The following ASIC2 variants were observed in gnomAD, a reference collection of about 807,000 sequenced individuals.
ASIC2 encodes acid sensing ion channel subunit 2.
Under a neutral mutation model 57.3 loss-of-function variants are expected in ASIC2, and 25 were observed. The observed-to-expected ratio is 0.44, with a 90% CI of 0.32 to 0.61. ASIC2 has a LOEUF of 0.61. Ranked by LOEUF, ASIC2 falls within the 20% of genes least tolerant of loss-of-function variation. The pLI, the probability that ASIC2 is intolerant of heterozygous loss-of-function variation, is 0.06. For missense variants in ASIC2, 641 were observed against 738.1 expected, an observed-to-expected ratio of 0.87 and a Z score of 1.52; for synonymous variants, 319 against 307.5, an observed-to-expected ratio of 1.04 and a Z score of -0.39.
intron 1 of ASIC2, among the ~76,000 whole-genome samples, chr17:33,197,246 C>A (rs889084194): frequency 2.6e-5 from 4 of 152,326 alleles, no homozygotes; most frequent in African/African-American, 4.8e-5. Context: ...TGTTGAGCAG[C>A]AAGATAGCTT....
chr17:33,351,810 C>T (rs554825489), intron 1 of ASIC2, among the ~76,000 whole-genome samples: 6 of 152,260 alleles, frequency 3.9e-5, no homozygotes, highest in Non-Finnish European at 7.4e-5. Flanking sequence ...TTTATCCTTG[C>T]ACTCAGAACA....
intron 1 of ASIC2, among the ~76,000 whole-genome samples, chr17:33,460,632 G>A (rs919112448): frequency 1.3e-5 from 2 of 152,196 alleles, no homozygotes; most frequent in African/African-American, 4.8e-5. Flanking sequence ...AATGCTTTCT[G>A]TTTCAAAATG....
chr17:34,029,395 TA>T (rs1907504802), intron 1 of ASIC2, among the ~76,000 whole-genome samples: 1 of 120,966 alleles, frequency 8.3e-6, no homozygotes, highest in South Asian at 2.5e-4. Context: ...AAAAAAAAAA[TA>T]GTAAAATTTA....
intron 1 of ASIC2, among the ~76,000 whole-genome samples, chr17:33,190,612 C>T (rs529971626): frequency 6.6e-6 from 1 of 152,174 alleles, no homozygotes; most frequent in South Asian, 2.1e-4. Flanking sequence ...GACGGACTTA[C>T]ACTGTCTAAG....
intron 1 of ASIC2, among the ~76,000 whole-genome samples, chr17:33,942,801 G>A (rs1349236804): frequency 6.6e-6 from 1 of 152,290 alleles, no homozygotes; most frequent in East Asian, 1.9e-4. Flanking sequence ...ATGAAGGCCA[G>A]CTACCATCCC....
intron 1 of ASIC2, among the ~76,000 whole-genome samples, chr17:34,117,372 A>C (rs80021276): frequency 2.1e-3 from 321 of 152,364 alleles, no homozygotes; most frequent in African/African-American, 7.2e-3. Flanking sequence ...AGGAAACGGC[A>C]TATGGTTGGG....
chr17:33,301,210 T>G (rs1226057059), intron 1 of ASIC2, among the ~76,000 whole-genome samples: 2 of 151,542 alleles, frequency 1.3e-5, no homozygotes, highest in African/African-American at 4.9e-5. Flanking sequence ...TTTTTTTTTT[T>G]TGTATTTTTT....
At chr17:33,471,151 GTCCTTT>G (rs1913038460) in intron 1 of ASIC2, among the ~76,000 whole-genome samples, 1 of 152,120 alleles carries the variant, frequency 6.6e-6, no homozygotes. Context: ...GCTCACGTTT[GTCCTTT>G]ACGTGTTTTT....
chr17:33,226,618 G>A (rs1356314748), intron 1 of ASIC2, among the ~76,000 whole-genome samples: 1 of 152,116 alleles, frequency 6.6e-6, no homozygotes, highest in Non-Finnish European at 1.5e-5. Flanking sequence ...CCACTTATCT[G>A]TTTATGTGTT....
At chr17:33,550,104 GC>G (rs1915701221) in intron 1 of ASIC2, among the ~76,000 whole-genome samples, 2 of 147,454 alleles carry the variant, frequency 1.4e-5, no homozygotes, top group Admixed American at 1.4e-4. Context: ...GATAAATCAG[GC>G]CCTCCATGAG....
At position 33,013,666 on chromosome 17, in the gene ASIC2, A is replaced by G. The variant is rs984922245; in HGVS notation, c.*299T>C. 13 of 404,708 alleles carry G rather than the reference A, an allele frequency of 3.2e-5. No homozygotes were observed. Among genetic ancestry groups the G allele is most frequent in the African/African-American group, 2.0e-4 (10 of 50,196 alleles). The allele number at this position is 404,708 out of a possible 1,614,324, so 25.1% of individuals were successfully genotyped here. The stretch of plus-strand genomic sequence containing the variant: ...AGACAGACGTGGAGGTGGCGCCACA[A>G]GAAGTCTGAGCATGCAGGTGCTTTA... On this transcript the variant is annotated 3_prime_UTR_variant, in exon 10 of 10. Coordinates refer to ENST00000225823, the MANE Select transcript of ASIC2 (RefSeq NM_183377.2).
rs117925347 is a variant in ASIC2, at chr17:33,605,903, C to T, written c.556-493836G>A. Among the ~76,000 whole-genome samples, 1,414 of 152,302 alleles carry T rather than the reference C, an allele frequency of 9.3e-3. 10 individuals are homozygous for T. The highest frequency in any genetic ancestry group is 0.016 in the Non-Finnish European group (1,067 of 68,030). On this transcript the variant is annotated intron_variant, in intron 1 of 9. Transcript: ENST00000359872. ...TGCTCCCCCTGTCCCCACTGAGTCT[C>T]GGGCAAGCCTCTGAACTCACCAGCT...
intron 1 of ASIC2, among the ~76,000 whole-genome samples, chr17:33,921,774 G>A (rs1430791256): frequency 1.3e-5 from 2 of 152,146 alleles, no homozygotes; most frequent in African/African-American, 4.8e-5. Context: ...TGATGACCTG[G>A]CATACATCTC....
At chr17:33,110,467 G>C (rs762598651) in intron 2 of ASIC2, among the ~76,000 whole-genome samples, 4 of 152,232 alleles carry the variant, frequency 2.6e-5, no homozygotes, top group Non-Finnish European at 4.4e-5. Flanking sequence ...TCTCCTCAGA[G>C]AGTGGCTGAT....
At chr17:33,576,920 T>C (rs938893345) in intron 1 of ASIC2, among the ~76,000 whole-genome samples, 11 of 152,162 alleles carry the variant, frequency 7.2e-5, no homozygotes, top group Non-Finnish European at 1.2e-4. Flanking sequence ...ACCTACCTCA[T>C]AGAGTTGTTG....
chr17:33,447,415 T>G (rs1912067718), intron 1 of ASIC2, among the ~76,000 whole-genome samples: 1 of 152,186 alleles, frequency 6.6e-6, no homozygotes, highest in South Asian at 2.1e-4. Context: ...GTTGAAGTAC[T>G]GTCAGAAACA....
At chr17:34,001,591 C>G (rs1015208321) in intron 1 of ASIC2, 1 of 152,406 alleles carries the variant, frequency 6.6e-6, no homozygotes, top group Non-Finnish European at 1.5e-5. Flanking sequence ...GGCTTGTAGC[C>G]GGGCTGGGGC....
intron 1 of ASIC2, among the ~76,000 whole-genome samples, chr17:33,343,923 C>T (rs1025467026): frequency 1.1e-4 from 17 of 152,170 alleles, no homozygotes; most frequent in African/African-American, 3.9e-4. Flanking sequence ...CTACCTGGAC[C>T]GCCCTGTGTC....
intron 1 of ASIC2, among the ~76,000 whole-genome samples, chr17:33,729,027 T>C (rs1318997223): frequency 6.6e-6 from 1 of 151,992 alleles, no homozygotes; most frequent in Non-Finnish European, 1.5e-5. Context: ...TCCAGAGAAA[T>C]GGAAGAAAAG....
Sources: gnomAD v4.1 joint callset for allele counts (sites outside exome capture counted in the v4.1 genomes callset) on GRCh38, gnomAD v4.1.1 for gene constraint, MANE v1.5 for transcripts, NCBI Gene and HGNC (gene_info 2026-07-23, HGNC 2026-07-21) for gene names.